The following C2orf76 variants were observed in gnomAD, a reference collection of about 807,000 sequenced individuals.
The protein encoded by C2orf76 is chromosome 2 open reading frame 76.
Under a neutral mutation model 16.9 loss-of-function variants are expected in C2orf76, and 23 were observed. The ratio of observed to expected loss-of-function variants is 1.36; its 90% CI spans 0.98 to 1.93. The LOEUF (loss-of-function observed/expected upper bound fraction) is 1.93. C2orf76 is among the 30% of genes most tolerant of loss of function. The pLI, the probability that C2orf76 is intolerant of heterozygous loss-of-function variation, is 0.00. For missense variants in C2orf76, 152 were observed against 152.6 expected (o/e 1.00, Z 0.02); for synonymous variants, 48 against 52.3 (o/e 0.92, Z 0.35).
the C2orf76 span, among the ~76,000 whole-genome samples, chr2:119,283,075 C>A: frequency 1.3e-5 from 2 of 152,228 alleles, no homozygotes; most frequent in African/African-American, 4.8e-5. Flanking sequence ...GGGTCCTTCA[C>A]AGTGGAGGGC....
the C2orf76 span, among the ~76,000 whole-genome samples, chr2:119,286,113 C>CTACT: frequency 6.6e-6 from 1 of 151,126 alleles, no homozygotes; most frequent in Non-Finnish European, 1.5e-5. Context: ...GTAGTCCCAG[C>CTACT]TACTTGGGAG....
At chr2:119,304,772 G>C (rs1428393309) in intron 5 of C2orf76, among the ~76,000 whole-genome samples, 1 of 152,136 alleles carries the variant, frequency 6.6e-6, no homozygotes, top group Non-Finnish European at 1.5e-5. Flanking sequence ...AGAATATAAT[G>C]TTTTCTTACA....
chr2:119,291,642 G>A, the C2orf76 span, among the ~76,000 whole-genome samples: 1 of 151,926 alleles, frequency 6.6e-6, no homozygotes. Flanking sequence ...GCTGGGTGGT[G>A]TGGTTGGAGC....
Position 119,311,605 on chromosome 2 carries a change from A to C in C2orf76, c.304+17T>G. ...GGCAGAGGTCCCCCTCCAGCAACAC[A>C]AGGCCCCCTTCCTCACCGATTCCAG... On this transcript the variant is annotated intron_variant, in intron 5 of 5. Transcript: ENST00000334816. The C allele has an allele frequency of 6.2e-7, 1 of 1,610,326 alleles. No homozygotes were observed. Among genetic ancestry groups the C allele is most frequent in the Non-Finnish European group, 8.5e-7 (1 of 1,179,108 alleles).
chr2:119,350,129 A>G lies in C2orf76; in HGVS notation c.-12-10158T>C, dbSNP rs187402430. 4.6e-3 allele frequency among the ~76,000 whole-genome samples: 621 copies of G among 135,910 alleles called. 6 individuals are homozygous for G. Among genetic ancestry groups the G allele is most frequent in the African/African-American group, 0.015 (568 of 37,216 alleles). The allele number at this position is 135,910 out of a possible 152,430, so 89.2% of individuals were successfully genotyped here. A position where few individuals can be genotyped will look rare whatever the true frequency, so the allele number is the denominator to read the frequency against. On this transcript the variant is annotated intron_variant, in intron 1 of 5. Coordinates refer to ENST00000334816, the MANE Select transcript of C2orf76 (RefSeq NM_001322331.2). ...GTAGAACTAATGAGCAGTTAAAGGG[A>G]GGAAAAAAAACCTGATTTCTTCCAT...
intron 1 of C2orf76, among the ~76,000 whole-genome samples, chr2:119,358,577 CAAAA>C (rs58374459): frequency 1.1e-4 from 10 of 88,342 alleles, no homozygotes; most frequent in Non-Finnish European, 1.6e-4. Flanking sequence ...GACTCTGTCT[CAAAA>C]AAAAAAAAAA....
intron 5 of C2orf76, among the ~76,000 whole-genome samples, chr2:119,310,425 C>T (rs1678945211): frequency 6.6e-6 from 1 of 152,144 alleles, no homozygotes; most frequent in African/African-American, 2.4e-5. Flanking sequence ...TAAGATTTCA[C>T]AACATGGTAT....
At chr2:119,367,101 C>T (rs781272982), upstream of C2orf76, 3 of 1,612,230 alleles carry the variant, frequency 1.9e-6, no homozygotes, top group African/African-American at 1.3e-5. Flanking sequence ...GTGCAGCGGG[C>T]GGGAGGCCCG....
intron 2 of C2orf76, among the ~76,000 whole-genome samples, chr2:119,337,137 C>T (rs565055816): frequency 1.8e-4 from 28 of 151,722 alleles, no homozygotes; most frequent in Admixed American, 7.9e-4. Context: ...CTCACTGCAG[C>T]CTCAACTTCA....
chr2:119,363,890 C>T (rs139717668), intron 1 of C2orf76, among the ~76,000 whole-genome samples: 24 of 152,080 alleles, frequency 1.6e-4, no homozygotes, highest in African/African-American at 5.5e-4. Context: ...TGGTGGCACA[C>T]ACCTGTAGTC....
chr2:119,305,945 A>C (rs11684925), intron 5 of C2orf76, among the ~76,000 whole-genome samples: 18,507 of 73,208 alleles, frequency 0.25, 1,703 homozygotes, highest in African/African-American at 0.4. Context: ...ACAACAACAA[A>C]AAAAAAAAAA....
downstream of C2orf76, among the ~76,000 whole-genome samples, chr2:119,300,970 C>T (rs1289929067): frequency 1.3e-5 from 2 of 152,058 alleles, no homozygotes; most frequent in African/African-American, 4.8e-5. Flanking sequence ...AGTCCTTTGC[C>T]TTTGTGTATG....
At chr2:119,334,676 A>C (rs1474273857) in intron 2 of C2orf76, among the ~76,000 whole-genome samples, 1 of 144,090 alleles carries the variant, frequency 6.9e-6, no homozygotes, top group Non-Finnish European at 1.5e-5. Context: ...GGCAACTGGA[A>C]TGAGACTCTC....
chr2:119,350,563 G>C (rs1213901678), intron 1 of C2orf76, among the ~76,000 whole-genome samples: 3 of 152,158 alleles, frequency 2.0e-5, no homozygotes, highest in Admixed American at 6.5e-5. Flanking sequence ...GTCCCAGTTC[G>C]ATGGCCAGTA....
chr2:119,361,470 G>A (rs1047687926), intron 1 of C2orf76, among the ~76,000 whole-genome samples: 4 of 151,690 alleles, frequency 2.6e-5, no homozygotes, highest in African/African-American at 7.3e-5. Context: ...GGAAGAAAAC[G>A]ATAAAAAAAT....
chr2:119,360,047 C>G (rs879657666), intron 1 of C2orf76, among the ~76,000 whole-genome samples: 26 of 152,272 alleles, frequency 1.7e-4, no homozygotes, highest in Middle Eastern at 3.4e-3. Flanking sequence ...ACAGCCACCC[C>G]AACCTTCAGC....
intron 2 of C2orf76, among the ~76,000 whole-genome samples, chr2:119,333,147 C>T (rs1302772608): frequency 2.0e-5 from 3 of 152,226 alleles, no homozygotes; most frequent in Admixed American, 6.5e-5. Flanking sequence ...GTTGAAGGAA[C>T]TGCCTCACGT....
chr2:119,285,017 AGAG>A, the C2orf76 span, among the ~76,000 whole-genome samples: 1 of 152,204 alleles, frequency 6.6e-6, no homozygotes, highest in Non-Finnish European at 1.5e-5. Flanking sequence ...GGCGGAGATC[AGAG>A]GAGGTCATCT....
the C2orf76 span, among the ~76,000 whole-genome samples, chr2:119,289,440 C>T: frequency 6.6e-6 from 1 of 152,056 alleles, no homozygotes. Context: ...GTAATCCTAG[C>T]ACTTTGGGAG....
Sources: allele counts gnomAD v4.1 joint callset (sites outside exome capture counted in the v4.1 genomes callset), GRCh38; gene constraint gnomAD v4.1.1; transcripts MANE v1.5; gene names NCBI Gene and HGNC (gene_info 2026-07-23, HGNC 2026-07-21).